Variants in UAP1 observed in about 807,000 individuals in gnomAD.
The protein encoded by UAP1 is UDP-N-acetylglucosamine pyrophosphorylase 1, also known as UDP-N-acetylhexosamine pyrophosphorylase.
UAP1 carries 25 observed loss-of-function variants against 58.5 expected under a neutral mutation model. That is an observed-to-expected ratio of 0.43 (90% CI 0.31 to 0.60). The LOEUF (loss-of-function observed/expected upper bound fraction) is 0.60, where lower values mean the gene tolerates loss of function less well. UAP1 is among the 20% of genes least tolerant of loss of function. The pLI is 0.11. For synonymous variants in UAP1, 208 were observed against 213.0 expected, an observed-to-expected ratio of 0.98 and a Z score of 0.21; for missense variants, 575 against 630.0, an observed-to-expected ratio of 0.91 and a Z score of 0.93.
chr1:162,563,826 T>A (rs1460726628), intron 1 of UAP1, among the ~76,000 whole-genome samples: 2 of 152,226 alleles, frequency 1.3e-5, no homozygotes, highest in Non-Finnish European at 2.9e-5. Context: ...CTTGACTATC[T>A]TGAAGGCATG....
chr1:162,565,692 G>A (rs983805909), intron 1 of UAP1, among the ~76,000 whole-genome samples: 1 of 152,120 alleles, frequency 6.6e-6, no homozygotes, highest in Non-Finnish European at 1.5e-5. Context: ...AGGCTGCCTG[G>A]GTTCCTGTCC....
intron 1 of UAP1, among the ~76,000 whole-genome samples, chr1:162,564,163 A>T (rs748442009): frequency 6.6e-6 from 1 of 152,210 alleles, no homozygotes; most frequent in East Asian, 1.9e-4. Context: ...ATCAATAGGA[A>T]TGCCTTTTAA....
At chr1:162,567,706 T>C (rs1386820584) in intron 2 of UAP1, among the ~76,000 whole-genome samples, 1 of 152,224 alleles carries the variant, frequency 6.6e-6, no homozygotes, top group African/African-American at 2.4e-5. Flanking sequence ...AAAAATAATA[T>C]TGAAATAACA....
exon 2 of UAP1, chr1:162,566,310 C>T (rs1315562893): frequency 6.2e-7 from 1 of 1,614,134 alleles, no homozygotes; most frequent in Non-Finnish European, 8.5e-7. Context: ...GGCAGTGCTA[C>T]AAGGGATCAA....
At chr1:162,579,982 A>G (rs1193264970) in intron 4 of UAP1, among the ~76,000 whole-genome samples, 1 of 152,138 alleles carries the variant, frequency 6.6e-6, no homozygotes, top group Non-Finnish European at 1.5e-5. Flanking sequence ...CTCCTGCCTC[A>G]GCCTCCTGAG....
intron 2 of UAP1, among the ~76,000 whole-genome samples, chr1:162,573,382 A>C (rs12130399): frequency 6.6e-6 from 1 of 151,810 alleles, no homozygotes; most frequent in African/African-American, 2.4e-5. Flanking sequence ...CCTGGGCGAG[A>C]CTCTTAACTT....
At chr1:162,563,792 T>G (rs1399646586) in intron 1 of UAP1, among the ~76,000 whole-genome samples, 2 of 152,248 alleles carry the variant, frequency 1.3e-5, no homozygotes, top group Admixed American at 6.5e-5. Flanking sequence ...TGTATGCCTT[T>G]TATCAGACAG....
At chr1:162,580,013 C>A (rs376485553) in intron 4 of UAP1, among the ~76,000 whole-genome samples, 2 of 152,030 alleles carry the variant, frequency 1.3e-5, no homozygotes, top group African/African-American at 4.8e-5. Context: ...TACAGGCACG[C>A]GCCACCATGC....
At chr1:162,598,120 A>G (rs1369765435) in intron 10 of UAP1, among the ~76,000 whole-genome samples, 3 of 152,106 alleles carry the variant, frequency 2.0e-5, no homozygotes, top group Non-Finnish European at 4.4e-5. Flanking sequence ...TAATCCCAGT[A>G]CTTTGGGAGG....
chr1:162,596,176 A>G (rs952692634), intron 9 of UAP1, among the ~76,000 whole-genome samples: 12 of 151,422 alleles, frequency 7.9e-5, no homozygotes, highest in Non-Finnish European at 1.6e-4. Context: ...TAATTAATTA[A>G]TGTATTTATT....
At chr1:162,583,429 AGGCGTGAGCCACCGTGC>A (rs1377299932) in intron 5 of UAP1, among the ~76,000 whole-genome samples, 2 of 152,020 alleles carry the variant, frequency 1.3e-5, no homozygotes, top group African/African-American at 4.8e-5. Flanking sequence ...CTGGGATTAC[AGGCGTGAGCCACCGTGC>A]CCAGCTGGTG....
chr1:162,596,774 C>A (rs531506195), intron 9 of UAP1, among the ~76,000 whole-genome samples: 1 of 152,250 alleles, frequency 6.6e-6, no homozygotes, highest in East Asian at 1.9e-4. Context: ...AGACTACGTA[C>A]TTGGGGAAAG....
Position 162,579,606 on chromosome 1 carries a change from T to A in UAP1, c.661+3T>A, listed in dbSNP as rs993746014. On this transcript the variant is annotated splice_donor_region_variant and intron_variant, in intron 4 of 10. Transcript: ENST00000271469. ...GAACAAAGTTTCTATGGCTCCAGGTTTGTAATCATCCTTATTTAATGGTGA... is the reference window on the plus strand; with the variant it reads ...GAACAAAGTTTCTATGGCTCCAGGTATGTAATCATCCTTATTTAATGGTGA... 2 of 1,557,192 alleles carry A rather than the reference T, an allele frequency of 1.3e-6. No individual in the cohort carries two copies. The highest frequency in any genetic ancestry group is 8.7e-7 in the Non-Finnish European group (1 of 1,151,946).
chr1:162,589,147 T>C (rs1210676949), intron 7 of UAP1, among the ~76,000 whole-genome samples: 2 of 98,782 alleles, frequency 2.0e-5, no homozygotes, highest in East Asian at 2.7e-4. Context: ...TATATTTATA[T>C]AATATATATT....
intron 2 of UAP1, among the ~76,000 whole-genome samples, chr1:162,569,699 A>G (rs944398725): frequency 6.6e-6 from 1 of 152,160 alleles, no homozygotes; most frequent in Non-Finnish European, 1.5e-5. Flanking sequence ...TTTTTTGCCT[A>G]TGAGACATTT....
intron 5 of UAP1, among the ~76,000 whole-genome samples, chr1:162,583,773 G>T (rs558620059): frequency 6.6e-6 from 1 of 152,162 alleles, no homozygotes; most frequent in East Asian, 1.9e-4. Flanking sequence ...TACCACAGGC[G>T]TGCACCACCA....
At position 162,591,719 on chromosome 1, in the gene UAP1, C is replaced by A. The variant is rs577242475; in HGVS notation, c.1359-1013C>A. Among the ~76,000 whole-genome samples, 29 of 151,958 alleles carry A rather than the reference C, an allele frequency of 1.9e-4. No individual in the cohort carries two copies. The South Asian group carries it at 6.0e-3, about 32-fold the overall frequency. On this transcript the variant is annotated intron_variant, in intron 8 of 10. Transcript: ENST00000271469. ...CAGGCTAGTCCCGAAATCCTGACCTCAGGTGATCCGCCCGCTTTGGCCTCC... is the reference window on the plus strand; with the variant it reads ...CAGGCTAGTCCCGAAATCCTGACCTAAGGTGATCCGCCCGCTTTGGCCTCC...
intron 2 of UAP1, among the ~76,000 whole-genome samples, chr1:162,567,549 C>T (rs180670700): frequency 7.9e-5 from 12 of 152,290 alleles, no homozygotes; most frequent in Non-Finnish European, 1.5e-4. Context: ...TATTACTCCT[C>T]TGTAAGTAAA....
chr1:162,566,690 G>A (rs1195594968), intron 2 of UAP1, among the ~76,000 whole-genome samples: 3 of 151,672 alleles, frequency 2.0e-5, no homozygotes, highest in African/African-American at 4.8e-5. Context: ...GCAGTGGGGC[G>A]ATCTCTGCTT....
Sources: allele counts gnomAD v4.1 joint callset (sites outside exome capture counted in the v4.1 genomes callset), GRCh38; gene constraint gnomAD v4.1.1; transcripts MANE v1.5; gene names NCBI Gene and HGNC (gene_info 2026-07-23, HGNC 2026-07-21).